Variants in BAIAP2L2 observed in about 807,000 individuals in gnomAD.
The protein encoded by BAIAP2L2 is BAR/IMD domain-containing adapter protein 2-like 2.
BAIAP2L2 carries 65 observed loss-of-function variants against 60.4 expected under a neutral mutation model. The observed-to-expected ratio is 1.08, with a 90% CI of 0.88 to 1.32. BAIAP2L2 has a LOEUF of 1.32. Ranked by LOEUF, BAIAP2L2 falls within the 40% of genes most tolerant of loss-of-function variation. The pLI is 0.00. For synonymous variants in BAIAP2L2, 344 were observed against 301.7 expected (o/e 1.14, Z -1.45); for missense variants, 836 against 741.2 (o/e 1.13, Z -1.48).
intron 1 of BAIAP2L2, 73 bp downstream of exon 1, chr22:38,110,402 C>A: frequency 6.8e-7 from 1 of 1,477,218 alleles, no homozygotes. Flanking sequence ...GGCCCTCCGT[C>A]CTCCAGAGCG....
chr22:38,086,402 C>G lies in BAIAP2L2; in HGVS notation c.1307G>C (p.Arg436Pro). The G allele has an allele frequency of 6.5e-7, 1 of 1,531,568 alleles. No individual in the cohort carries two copies. The highest frequency in any genetic ancestry group is 8.8e-7 in the Non-Finnish European group (1 of 1,133,932). The allele number at this position is 1,531,568 out of a possible 1,614,324, so 94.9% of individuals were successfully genotyped here. A position where few individuals can be genotyped will look rare whatever the true frequency, so the allele number is the denominator to read the frequency against. The part of the protein sequence containing the change: ...GSHSLDDLLD[R>P]PGNSIAPSEY... ...CGAGGGTGCTATGGAGTTGCCCGGC[C>G]GGTCCAGGAGGTCATCGAGGCTGTG... The change falls in exon 12 of 14, where the codon CGG becomes CCG. Residue 436 changes from arginine to proline, a missense_variant. Physicochemically the swap from Arg to Pro is moderately radical, Grantham distance 103. Coordinates refer to ENST00000381669, the MANE Select transcript of BAIAP2L2 (RefSeq NM_025045.6).
At chr22:38,094,582 A>T (rs1418040284) in intron 7 of BAIAP2L2, among the ~76,000 whole-genome samples, 1 of 152,194 alleles carries the variant, frequency 6.6e-6, no homozygotes, top group African/African-American at 2.4e-5. Context: ...CAAACCAGAA[A>T]GTGTACACTG....
chr22:38,095,823 TAGAG>T lies in BAIAP2L2; in HGVS notation c.612+1205_612+1208del, dbSNP rs372888634. On this transcript the variant is annotated intron_variant, in intron 7 of 13. Transcript: ENST00000381669. The stretch of plus-strand genomic sequence containing the variant: ...AGTCACAAAGTGAGGTCACCACAGG[TAGAG>T]AGAAAAAAATAGTGCAATTTCTAAA... Among the ~76,000 whole-genome samples the T allele has an allele frequency of 4.1e-4, 63 of 151,884 alleles. 1 individual carries two copies. Among genetic ancestry groups the T allele is most frequent in the African/African-American group, 1.5e-3 (61 of 41,392 alleles).
At chr22:38,087,708 C>T (rs552744632) in intron 10 of BAIAP2L2, among the ~76,000 whole-genome samples, 67 of 152,162 alleles carry the variant, frequency 4.4e-4, no homozygotes, top group Admixed American at 3.7e-3. Flanking sequence ...TATGGACCTT[C>T]GCGCCTAACT....
chr22:38,086,156 G>T, intron 12 of BAIAP2L2, 86 bp downstream of exon 12: 1 of 1,429,040 alleles, frequency 7.0e-7, no homozygotes, highest in Non-Finnish European at 9.6e-7. Flanking sequence ...TCCCCTGCCA[G>T]ACAGCCGGTG....
At chr22:38,088,707 C>T (rs759961111) in intron 10 of BAIAP2L2, 41 bp downstream of exon 10, 2 of 1,526,360 alleles carry the variant, frequency 1.3e-6, no homozygotes, top group Middle Eastern at 4.1e-4. Flanking sequence ...CCAGGGCCTT[C>T]TTCTCAACCC....
intron 4 of BAIAP2L2, among the ~76,000 whole-genome samples, chr22:38,101,412 T>C (rs972751240): frequency 3.8e-5 from 5 of 130,906 alleles, no homozygotes; most frequent in Non-Finnish European, 7.9e-5. Context: ...CCAGACGTGG[T>C]GGTTCATGCC....
At position 38,097,170 on chromosome 22, in the gene BAIAP2L2, C is replaced by G; in HGVS notation, c.474G>C (p.Val158=). 1 of 1,613,400 alleles carries G rather than the reference C, an allele frequency of 6.2e-7. No homozygotes were observed. The highest frequency in any genetic ancestry group is 1.1e-5 in the South Asian group (1 of 91,066). ...DKNVREMKES[V]NRLHAQMQAF... ...CCTGCATCTGTGCGTGCAGCCGGTT[C>G]ACACTCTCCTGGGGGGGAACGGGAG... Residue 158 remains valine (V), a synonymous_variant, in exon 7 of 14, where the codon GTG becomes GTC. Coordinates refer to ENST00000381669, the MANE Select transcript of BAIAP2L2 (RefSeq NM_025045.6).
At chr22:38,089,460 C>T in intron 8 of BAIAP2L2, 62 bp downstream of exon 8, 2 of 993,524 alleles carry the variant, frequency 2.0e-6, no homozygotes, top group Non-Finnish European at 2.6e-6. Flanking sequence ...GGGCCTGAGG[C>T]CCCGGGCCCC....
intron 2 of BAIAP2L2, among the ~76,000 whole-genome samples, chr22:38,108,563 G>A (rs1000623082): frequency 6.6e-6 from 1 of 152,146 alleles, no homozygotes; most frequent in Non-Finnish European, 1.5e-5. Flanking sequence ...TAAGAAGCAG[G>A]GGGATGGGAG....
chr22:38,108,095 C>A (rs923525175), intron 3 of BAIAP2L2, among the ~76,000 whole-genome samples, 160 bp downstream of exon 3: 1 of 152,194 alleles, frequency 6.6e-6, no homozygotes, highest in Admixed American at 6.5e-5. Context: ...TGGGAGCAGC[C>A]CGGCAGGGAG....
rs541640091 is a variant in BAIAP2L2, at chr22:38,105,148, T to C, written c.276+2704A>G. 5.3e-5 allele frequency among the ~76,000 whole-genome samples: 8 copies of C among 152,188 alleles called. No individual in the cohort carries two copies. The East Asian group carries it at 1.5e-3, about 29-fold the overall frequency. On this transcript the variant is annotated intron_variant, in intron 4 of 13. Transcript: ENST00000381669. ...GCTCAAGACCCTCCGAAGGTGTCCC[T>C]TTCACTGAGAGGAAGGGCCAGAGTC...
In BAIAP2L2 at chr22:38,085,733, C is replaced by T; in HGVS notation, c.1468-1G>A. ...GGTACTGCTCTGAGGACATCAGTTT[C>T]TGCAGTGGGGGTGGGGAAGGGCTGG... On this transcript the variant is annotated splice_acceptor_variant, in intron 12 of 13. Coordinates refer to ENST00000381669, the MANE Select transcript of BAIAP2L2 (RefSeq NM_025045.6). LOFTEE classifies it high-confidence loss of function. The T allele has an allele frequency of 6.3e-7, 1 of 1,596,188 alleles. No individual in the cohort carries two copies. The highest frequency in any genetic ancestry group is 2.2e-5 in the East Asian group (1 of 44,696).
intron 7 of BAIAP2L2, 137 bp downstream of exon 7, chr22:38,096,895 G>A: frequency 2.8e-6 from 3 of 1,062,156 alleles, no homozygotes; most frequent in Non-Finnish European, 4.0e-6. Flanking sequence ...GATGGAGATA[G>A]CAAAATAAAA....
At position 38,090,653 on chromosome 22, in the gene BAIAP2L2, A is replaced by G. The variant is rs2086276154; in HGVS notation, c.613-979T>C. On this transcript the variant is annotated intron_variant, in intron 7 of 13. Coordinates refer to ENST00000381669, the MANE Select transcript of BAIAP2L2 (RefSeq NM_025045.6). ...CTGCATTATCTTACTTGATTCTCGC[A>G]ATAGCCCTGGGTGGTAGGTGCAATT... The G allele has an allele frequency of 1.3e-5, 2 of 152,218 alleles. 1 individual carries two copies. Among genetic ancestry groups the G allele is most frequent in the South Asian group, 4.1e-4 (2 of 4,832 alleles). 9.4% of individuals were successfully genotyped at this position (152,218 alleles called of 1,614,324 possible).
intron 1 of BAIAP2L2, among the ~76,000 whole-genome samples, 167 bp from the exon 2 acceptor site, chr22:38,109,375 G>A (rs1396346496): frequency 6.6e-6 from 1 of 152,084 alleles, no homozygotes; most frequent in Non-Finnish European, 1.5e-5. Flanking sequence ...CCAGAATCCT[G>A]GCTCTTGGCT....
chr22:38,105,196 G>A (rs2086639242), intron 4 of BAIAP2L2, among the ~76,000 whole-genome samples: 1 of 152,074 alleles, frequency 6.6e-6, no homozygotes, highest in African/African-American at 2.4e-5. Context: ...GCAGAGTCAG[G>A]ACCTGTTAAT....
Position 38,089,197 on chromosome 22 carries a change from CG to C in BAIAP2L2, c.799del (p.Arg267AlafsTer21), listed in dbSNP as rs768717523. The C allele has an allele frequency of 2.6e-6, 3 of 1,166,266 alleles. No individual in the cohort carries two copies. The highest frequency in any genetic ancestry group is 2.7e-5 in the South Asian group (1 of 37,410). 72.2% of individuals were successfully genotyped at this position (1,166,266 alleles called of 1,614,324 possible). ...GTAGGAGCCGGAGCCGTGCCGGCTG[CG>C]GGGGGAGCTGAACTCTCCCAGGGGC... ...PRPLGEFSSP[R>X]SRHGSGSYGT... On this transcript the variant is annotated frameshift_variant, in exon 9 of 14. Transcript: ENST00000381669. LOFTEE classifies it high-confidence loss of function.
At chr22:38,088,669 G>C in intron 10 of BAIAP2L2, 79 bp downstream of exon 10, 1 of 1,418,748 alleles carries the variant, frequency 7.0e-7, no homozygotes. Context: ...GGAAACCTCA[G>C]TCCGGCAGGT....
Sources: gnomAD v4.1 joint callset for allele counts (sites outside exome capture counted in the v4.1 genomes callset) on GRCh38, gnomAD v4.1.1 for gene constraint, MANE v1.5 for transcripts, NCBI Gene and HGNC (gene_info 2026-07-23, HGNC 2026-07-21) for gene names.